Variants in DNHD1 observed in about 807,000 individuals in gnomAD.
The protein encoded by DNHD1 is dynein heavy chain domain 1, also known as dynein heavy chain domain-containing protein 1.
A neutral mutation model predicts 458.1 loss-of-function variants in DNHD1; 383 were observed. That is an observed-to-expected ratio of 0.84 (90% CI 0.77 to 0.91). DNHD1 has a LOEUF of 0.91. Ranked by LOEUF, DNHD1 falls within the 40% of genes least tolerant of loss-of-function variation. The probability of loss-of-function intolerance (pLI) is 0.00; values close to 1 mark genes in which losing one functional copy is unlikely to be tolerated. For missense variants in DNHD1, 5,336 were observed against 5,866.1 expected (o/e 0.91, Z 2.95); for synonymous variants, 2,203 against 2,376.9 (o/e 0.93, Z 2.13).
At chr11:6,537,012 G>A (rs1852965402) in intron 14 of DNHD1, among the ~76,000 whole-genome samples, 1 of 152,168 alleles carries the variant, frequency 6.6e-6, no homozygotes. Flanking sequence ...AATGGATGAT[G>A]TGCACATGTG....
chr11:6,510,635 A>G (rs1589867244), intron 6 of DNHD1, among the ~76,000 whole-genome samples: 2 of 152,206 alleles, frequency 1.3e-5, no homozygotes, highest in African/African-American at 4.8e-5. Flanking sequence ...AAACTCGGAT[A>G]AAGATTTCTA....
In DNHD1 at chr11:6,503,180, CTTTTTT is replaced by C. The variant is rs1852171338; in HGVS notation, c.920+255_920+260del. On this transcript the variant is annotated intron_variant, in intron 4 of 42. Coordinates refer to ENST00000254579, the MANE Select transcript of DNHD1 (RefSeq NM_144666.3). ...ATCCTTTTCTCACATTTTGCTCTTTCTTTTTTATTCTATCCTAGAATGATAGAAACA... is the reference window on the plus strand; with the variant it reads ...ATCCTTTTCTCACATTTTGCTCTTTCATTCTATCCTAGAATGATAGAAACA... The C allele has an allele frequency of 1.6e-4, 72 of 441,594 alleles. 1 individual carries two copies. In the South Asian group the frequency reaches 3.0e-3, roughly 18 times the overall value. The allele number at this position is 441,594 out of a possible 1,614,324, so 27.4% of individuals were successfully genotyped here.
In DNHD1 at chr11:6,568,169, C is replaced by CAACT; in HGVS notation, c.12466_12469dup (p.Cys4157Ter). On this transcript the variant is annotated frameshift_variant, in exon 37 of 43. Transcript: ENST00000254579. LOFTEE classifies it high-confidence loss of function. ...ATGAGGGGCACTGGCTGGTGCTGGA[C>CAACT]AACTGTCATCTGATGCCCCATTGGC... 1.3e-6 allele frequency: 2 copies of CAACT among 1,554,052 alleles called. No individual in the cohort carries two copies. Among genetic ancestry groups the CAACT allele is most frequent in the Non-Finnish European group, 1.7e-6 (2 of 1,148,216 alleles).
intron 24 of DNHD1, among the ~76,000 whole-genome samples, chr11:6,555,822 G>A (rs1853451457): frequency 6.6e-6 from 1 of 152,144 alleles, no homozygotes; most frequent in African/African-American, 2.4e-5. Context: ...TGGCTTTAAA[G>A]GAGCATGAGG....
At position 6,520,038 on chromosome 11, in the gene DNHD1, G is replaced by A; in HGVS notation, c.1721G>A (p.Cys574Tyr). The A allele has an allele frequency of 6.2e-7, 1 of 1,614,166 alleles. No homozygotes were observed. Among genetic ancestry groups the A allele is most frequent in the Non-Finnish European group, 8.5e-7 (1 of 1,180,034 alleles). ...CATGGTCAACTGTCTCATGTGCCCT[G>A]TGTTGAAAATATGATCCAGACTCTA... is the stretch of plus-strand genomic sequence containing the variant. The part of the protein sequence containing the change: ...DDHGQLSHVP[C>Y]VENMIQTLTG... The change falls in exon 9 of 43, where the codon TGT becomes TAT. Residue 574 changes from cysteine (C) to tyrosine (Y), a missense_variant. This residue lies in a region of DNHD1 where 3,932 missense variants were observed against 4,365.6 expected (regional missense o/e 0.90). Transcript: ENST00000254579.
chr11:6,548,914 C>G lies in DNHD1; in HGVS notation c.7368C>G (p.Asp2456Glu). The G allele has an allele frequency of 6.4e-7, 1 of 1,551,676 alleles. No homozygotes were observed. ...SKPSLLFLLEDLHLATSDPEK... is the reference protein window; with the variant it reads ...SKPSLLFLLEELHLATSDPEK... Reference sequence around the variant, plus strand: ...CCTCCCTCCTCTTCTTGCTGGAGGACCTGCACCTAGCCACTTCTGGTGAGG... The same window carrying G: ...CCTCCCTCCTCTTCTTGCTGGAGGAGCTGCACCTAGCCACTTCTGGTGAGG... Residue 2456 changes from aspartate to glutamate, a missense_variant, in exon 24 of 43, where the codon GAC (aspartate) becomes GAG (glutamate). Asp to Glu is a conservative substitution (Grantham distance 45, BLOSUM62 2). Transcript: ENST00000254579. The surrounding 1 kb of genome is among the most constrained non-coding windows in gnomAD (Gnocchi z 4.4).
chr11:6,519,882 G>A, intron 8 of DNHD1, 28 bp downstream of exon 8: 1 of 1,612,852 alleles, frequency 6.2e-7, no homozygotes, highest in Non-Finnish European at 8.5e-7. Context: ...ATGTGTGGAG[G>A]TGGCAGGCAG....
rs1853262691 is a variant in DNHD1, at chr11:6,548,134, G to A, written c.6906-76G>A. 1 of 1,544,576 alleles carries A rather than the reference G, an allele frequency of 6.5e-7. No individual in the cohort carries two copies. Among genetic ancestry groups the A allele is most frequent in the Non-Finnish European group, 8.8e-7 (1 of 1,140,758 alleles). Reference sequence around the variant, plus strand: ...CACATGACATCACTGTTAGGGTATGGTGGAGTGTGTGAGTGTGTCATAAAT... The same window carrying A: ...CACATGACATCACTGTTAGGGTATGATGGAGTGTGTGAGTGTGTCATAAAT... On this transcript the variant is annotated intron_variant, in intron 22 of 42. Coordinates refer to ENST00000254579, the MANE Select transcript of DNHD1 (RefSeq NM_144666.3). The surrounding 1 kb of genome is among the most constrained non-coding windows in gnomAD (Gnocchi z 4.4).
chr11:6,566,594 T>C lies in DNHD1; in HGVS notation c.11214T>C (p.Gly3738=), dbSNP rs1045969245. ...CTCCCATGTTACCCCAAGTGCTAGG[T>C]TGTGAACTGCTAAAGGGGCTGAATG... is the stretch of plus-strand genomic sequence containing the variant. ...LSLCAMEKVL[G]CELLKGLNVL... Residue 3738 remains glycine (G), a synonymous_variant, in exon 35 of 43, where the codon GGT becomes GGC. Coordinates refer to ENST00000254579, the MANE Select transcript of DNHD1 (RefSeq NM_144666.3). The C allele has an allele frequency of 3.1e-6, 5 of 1,613,656 alleles. No individual in the cohort carries two copies. The East Asian group carries it at 6.7e-5, about 22-fold the overall frequency.
In DNHD1 at chr11:6,533,699, C is replaced by T; in HGVS notation, c.2524C>T (p.Gln842Ter). The T allele has an allele frequency of 6.5e-7, 1 of 1,549,588 alleles. No individual in the cohort carries two copies. The highest frequency in any genetic ancestry group is 8.7e-7 in the Non-Finnish European group (1 of 1,145,624). Reference protein sequence around the residue: ...CTQKLNEANEQYVELEERMEY... With the variant: ...CTQKLNEANE ...CCTGCAGTTGAATGAAGCCAATGAA[C>T]AGTACGTCGAGCTGGAGGAGCGAAT... Residue 842 changes from glutamine to a stop codon, truncating the protein, a stop_gained, in exon 14 of 43, where the codon CAG becomes TAG. Coordinates refer to ENST00000254579, the MANE Select transcript of DNHD1 (RefSeq NM_144666.3). LOFTEE classifies it high-confidence loss of function.
At chr11:6,550,808 A>G (rs556674983) in intron 24 of DNHD1, among the ~76,000 whole-genome samples, 6 of 152,252 alleles carry the variant, frequency 3.9e-5, no homozygotes, top group Admixed American at 6.5e-5. Flanking sequence ...GATTCAACTC[A>G]TCAGAAAGAC....
At chr11:6,532,067 T>G (rs933808444) in intron 12 of DNHD1, among the ~76,000 whole-genome samples, 8 of 152,098 alleles carry the variant, frequency 5.3e-5, no homozygotes, top group African/African-American at 1.9e-4. Flanking sequence ...TCAAAGGGAA[T>G]TTGTGAGGAT....
chr11:6,558,773 C>G, intron 26 of DNHD1, 80 bp downstream of exon 26: 1 of 1,509,350 alleles, frequency 6.6e-7, no homozygotes, highest in South Asian at 1.2e-5. Context: ...GTCTCTCTCT[C>G]TCCCTCTCTA....
Position 6,509,148 on chromosome 11 carries a change from CCT to C in DNHD1, c.1125-11_1125-10del. ...GACAGCAACAGTATATTATCACTGA[CCT>C]CTAATTTCTAGTTGGAAGAAGAATG... On this transcript the variant is annotated splice_polypyrimidine_tract_variant and intron_variant, in intron 5 of 42. Coordinates refer to ENST00000254579, the MANE Select transcript of DNHD1 (RefSeq NM_144666.3). The C allele has an allele frequency of 2.5e-6, 4 of 1,614,020 alleles. No homozygotes were observed. The highest frequency in any genetic ancestry group is 2.5e-6 in the Non-Finnish European group (3 of 1,179,918).
Position 6,559,058 on chromosome 11 carries a change from T to C in DNHD1, c.9368T>C (p.Leu3123Pro). Residue 3123 changes from leucine (L) to proline (P), a missense_variant, in exon 27 of 43, where the codon CTG becomes CCG. Leu to Pro is a moderately conservative substitution (Grantham distance 98). Around this residue, in one of 4 missense-constraint regions of DNHD1, gnomAD observed 3,932 missense variants for 4,365.6 expected, o/e 0.90. Transcript: ENST00000254579. The stretch of plus-strand genomic sequence containing the variant: ...TTCCTAGACTTCCTGGACACTTTCC[T>C]GATGCTGCAGCAACAGACAATCCTG... ...KTFLDFLDTF[L>P]MLQQQTILKI... The C allele has an allele frequency of 6.4e-7, 1 of 1,551,654 alleles. No homozygotes were observed. The highest frequency in any genetic ancestry group is 8.7e-7 in the Non-Finnish European group (1 of 1,146,986).
In DNHD1 at chr11:6,557,285, G is replaced by A. The variant is rs1229942293; in HGVS notation, c.7990G>A (p.Glu2664Lys). ...TTGCGACCGGCTGGACAGCCCCAGG[G>A]AACGCTCCTACTGTGCCAAGCTGCT... ...TFCDRLDSPRERSYCAKLLLV... is the reference protein window; with the variant it reads ...TFCDRLDSPRKRSYCAKLLLV... The change falls in exon 25 of 43, where the codon GAA becomes AAA. Residue 2664 changes from glutamate (E) to lysine (K), a missense_variant. Around this residue, in one of 4 missense-constraint regions of DNHD1, gnomAD observed 3,932 missense variants for 4,365.6 expected, o/e 0.90. Coordinates refer to ENST00000254579, the MANE Select transcript of DNHD1 (RefSeq NM_144666.3). The A allele has an allele frequency of 6.4e-6, 10 of 1,551,582 alleles. No homozygotes were observed. The East Asian group carries it at 2.2e-4, about 34-fold the overall frequency.
Position 6,505,050 on chromosome 11 carries a change from C to G in DNHD1, c.920+2124C>G, listed in dbSNP as rs1388037069. Reference sequence around the variant, plus strand: ...CTCACTTTGTTGCTCAAGCTGGTCTCGAACTCCTGGGCTCAAGCTATCCTC... The same window carrying G: ...CTCACTTTGTTGCTCAAGCTGGTCTGGAACTCCTGGGCTCAAGCTATCCTC... On this transcript the variant is annotated intron_variant, in intron 4 of 42. Coordinates refer to ENST00000254579, the MANE Select transcript of DNHD1 (RefSeq NM_144666.3). This position sits in a 1 kb window ranked among gnomAD's most constrained non-coding sequence, Gnocchi z 4.4. Among the ~76,000 whole-genome samples the G allele has an allele frequency of 6.6e-6, 1 of 151,596 alleles. No individual in the cohort carries two copies. The highest frequency in any genetic ancestry group is 2.1e-4 in the South Asian group (1 of 4,790).
Position 6,498,174 on chromosome 11 carries a change from T to C in DNHD1, c.-42T>C. ...GAACTGGCAGTTGGAGCCTGAGCTA[T>C]GGGCAAGGTCACTTCGACAGCAGTT... On this transcript the variant is annotated 5_prime_UTR_variant, in exon 3 of 43. It removes an upstream start codon present in the reference 5' UTR. Coordinates refer to ENST00000254579, the MANE Select transcript of DNHD1 (RefSeq NM_144666.3). The C allele has an allele frequency of 6.3e-7, 1 of 1,576,368 alleles. No individual in the cohort carries two copies. Among genetic ancestry groups the C allele is most frequent in the Non-Finnish European group, 8.6e-7 (1 of 1,159,084 alleles).
Position 6,548,747 on chromosome 11 carries a change from C to T in DNHD1, c.7201C>T (p.Leu2401=). 1 of 1,551,652 alleles carries T rather than the reference C, an allele frequency of 6.4e-7. No homozygotes were observed. The highest frequency in any genetic ancestry group is 2.4e-5 in the East Asian group (1 of 40,912). ...ATGKSAFVEV[L]VEPHHPYIYS... ...AGGGAAGTCAGCCTTTGTGGAGGTG[C>T]TGGTAGAGCCACATCACCCTTACAT... The change falls in exon 24 of 43, where the codon CTG becomes TTG. Residue 2401 remains leucine (L), a synonymous_variant. Coordinates refer to ENST00000254579, the MANE Select transcript of DNHD1 (RefSeq NM_144666.3). The surrounding 1 kb of genome is among the most constrained non-coding windows in gnomAD (Gnocchi z 4.4).
Sources: allele counts gnomAD v4.1 joint callset (sites outside exome capture counted in the v4.1 genomes callset), GRCh38; gene constraint gnomAD v4.1.1; regional missense constraint gnomAD v4.1.1; non-coding constraint Gnocchi (gnomAD v3.1); transcripts MANE v1.5; gene names NCBI Gene and HGNC (gene_info 2026-07-23, HGNC 2026-07-21).